The following PLA2G6 variants were observed in gnomAD, a reference collection of about 807,000 sequenced individuals.
PLA2G6 encodes phospholipase A2 group VI, also known as 85/88 kDa calcium-independent phospholipase A2.
PLA2G6 carries 62 observed loss-of-function variants against 83.8 expected under a neutral mutation model. That is an observed-to-expected ratio of 0.74 (90% CI 0.60 to 0.91). PLA2G6 has a LOEUF of 0.91. Among genes scored for constraint, PLA2G6 ranks in the 40% least tolerant of loss-of-function variants. PLA2G6 has a pLI of 0.00. For synonymous variants in PLA2G6, 417 were observed against 449.8 expected (o/e 0.93, Z 0.92); for missense variants, 944 against 1,102.0 (o/e 0.86, Z 2.03).
At chr22:38,148,662 G>A in intron 2 of PLA2G6, 1 of 673,786 alleles carries the variant, frequency 1.5e-6, no homozygotes. Context: ...CTCTTACTTT[G>A]GGTTAGGGTC....
intron 2 of PLA2G6, among the ~76,000 whole-genome samples, chr22:38,167,475 G>A (rs1301903269): frequency 6.6e-6 from 1 of 152,102 alleles, no homozygotes; most frequent in African/African-American, 2.4e-5. Context: ...CTCAAAAGTG[G>A]GGCTGTCCAG....
Position 38,115,677 on chromosome 22 carries a change from C to T in PLA2G6, c.1884G>A (p.Gln628=), listed in dbSNP as rs767459234. The part of the protein sequence containing the change: ...NLRPPAQPSD[Q]LVWRAARSSG... ...TGCTTCGGGCCGCCCGCCACACCAGCTGGTCTAGGGGCGGGGAAGGAGGGC... is the reference window on the plus strand; with the variant it reads ...TGCTTCGGGCCGCCCGCCACACCAGTTGGTCTAGGGGCGGGGAAGGAGGGC... The change falls in exon 14 of 17, where the codon CAG becomes CAA. Residue 628 remains glutamine (Q), a synonymous_variant. Coordinates refer to ENST00000332509, the MANE Select transcript of PLA2G6 (RefSeq NM_003560.4). The T allele has an allele frequency of 1.2e-6, 2 of 1,601,872 alleles. No homozygotes were observed. Among genetic ancestry groups the T allele is most frequent in the Admixed American group, 1.7e-5 (1 of 58,384 alleles).
chr22:38,152,245 T>C (rs1022623988), intron 2 of PLA2G6, among the ~76,000 whole-genome samples: 4 of 151,760 alleles, frequency 2.6e-5, no homozygotes, highest in African/African-American at 9.7e-5. Context: ...AGACAGAGTT[T>C]CGCTCTTGTC....
At chr22:38,124,928 G>C (rs1282596705) in intron 10 of PLA2G6, among the ~76,000 whole-genome samples, 1 of 152,198 alleles carries the variant, frequency 6.6e-6, no homozygotes, top group Non-Finnish European at 1.5e-5. Context: ...AGAGGGCGCA[G>C]GGCTCTGTAG....
intron 12 of PLA2G6, 28 bp from the exon 13 acceptor site, chr22:38,116,239 C>G (rs760155875): frequency 6.2e-7 from 1 of 1,613,232 alleles, no homozygotes. Flanking sequence ...AGGAGGACGG[C>G]TGAGCCACCC....
chr22:38,161,814 A>G (rs7286105), intron 2 of PLA2G6, among the ~76,000 whole-genome samples: 61,647 of 151,794 alleles, frequency 0.41, 12,881 homozygotes, highest in South Asian at 0.49. Context: ...AGGGGAGGGA[A>G]GGAGGCATGC....
At chr22:38,181,430 G>A (rs1182335160) in intron 1 of PLA2G6, among the ~76,000 whole-genome samples, 1 of 152,116 alleles carries the variant, frequency 6.6e-6, no homozygotes, top group Non-Finnish European at 1.5e-5. Flanking sequence ...GGCACTGAGG[G>A]TCGGGGAAAG....
chr22:38,124,607 A>C (rs1002779728), intron 10 of PLA2G6, among the ~76,000 whole-genome samples: 1 of 151,348 alleles, frequency 6.6e-6, no homozygotes, highest in Non-Finnish European at 1.5e-5. Flanking sequence ...CTGCTGCTCC[A>C]CCTGCTTCCT....
chr22:38,156,354 C>A (rs1438892944), intron 2 of PLA2G6, among the ~76,000 whole-genome samples: 1 of 152,232 alleles, frequency 6.6e-6, no homozygotes, highest in African/African-American at 2.4e-5. Context: ...AACATTTCAT[C>A]CAACGGCTGC....
intron 4 of PLA2G6, chr22:38,140,570 G>A: frequency 3.8e-6 from 1 of 260,182 alleles, no homozygotes; most frequent in South Asian, 4.1e-5. Context: ...TGGGAGGGAA[G>A]GGGTCGACCT....
intron 7 of PLA2G6, chr22:38,131,879 G>A (rs1248263778): frequency 1.2e-5 from 4 of 322,908 alleles, no homozygotes; most frequent in South Asian, 4.6e-5. Flanking sequence ...ATGAGGTCAG[G>A]AGTTTGAGAC....
At chr22:38,178,740 C>T (rs948169345) in intron 1 of PLA2G6, among the ~76,000 whole-genome samples, 4 of 152,080 alleles carry the variant, frequency 2.6e-5, no homozygotes, top group East Asian at 1.9e-4. Flanking sequence ...GTGGCGTGCA[C>T]CTGTAATTCC....
Position 38,132,840 on chromosome 22 carries a change from C to T in PLA2G6, c.1068G>A (p.Leu356=). The T allele has an allele frequency of 1.0e-5, 16 of 1,547,554 alleles. No individual in the cohort carries two copies. Among genetic ancestry groups the T allele is most frequent in the Non-Finnish European group, 1.4e-5 (16 of 1,147,818 alleles). The change falls in exon 7 of 17, where the codon CTG becomes CTA. Residue 356 remains leucine (L), a synonymous_variant. Transcript: ENST00000332509. The surrounding 1 kb of genome is among the most constrained non-coding windows in gnomAD (Gnocchi z 5.0). ...GCGGTCCTGGGCTCACCGACATGGC[C>T]AGGTGCAGCGGGGTGTTGCCGTGCT... ...RGEHGNTPLH[L]AMSKDNVEMI... is the part of the protein sequence containing the mutation.
chr22:38,146,285 C>A (rs554857190), intron 2 of PLA2G6: 62 of 155,884 alleles, frequency 4.0e-4, no homozygotes, highest in Non-Finnish European at 7.7e-4. Context: ...AATCCACCCC[C>A]CTCAGCCTCT....
intron 10 of PLA2G6, chr22:38,125,489 T>A: frequency 6.1e-6 from 2 of 326,484 alleles, no homozygotes; most frequent in Admixed American, 4.3e-5. Flanking sequence ...GCCCTGGGAG[T>A]GGAGCTGCCT....
intron 8 of PLA2G6, 61 bp downstream of exon 8, chr22:38,129,393 C>T: frequency 8.5e-7 from 1 of 1,178,858 alleles, no homozygotes; most frequent in South Asian, 1.2e-5. Context: ...TTCCCTCCTC[C>T]TCGGTCCCTG....
At chr22:38,158,720 G>C (rs757827300) in intron 2 of PLA2G6, among the ~76,000 whole-genome samples, 18 of 152,148 alleles carry the variant, frequency 1.2e-4, no homozygotes, top group Non-Finnish European at 8.8e-5. Context: ...TTCTTGAAAA[G>C]AATGTGTATT....
rs534654093 is a variant in PLA2G6, at chr22:38,122,819, C to T, written c.1591+276G>A. Among the ~76,000 whole-genome samples, 320 of 152,196 alleles carry T rather than the reference C, an allele frequency of 2.1e-3. 1 individual carries two copies. The highest frequency in any genetic ancestry group is 5.2e-3 in the South Asian group (25 of 4,824). ...TGAGGGGAGGAGGGGTTAAGGCAGT[C>T]GATAGGAAACGCTTCCTATGCCAAA... On this transcript the variant is annotated intron_variant, in intron 11 of 16. Transcript: ENST00000332509.
At chr22:38,155,877 C>A (rs982008033) in intron 2 of PLA2G6, among the ~76,000 whole-genome samples, 1 of 152,132 alleles carries the variant, frequency 6.6e-6, no homozygotes, top group Non-Finnish European at 1.5e-5. Context: ...TCAAAAGACA[C>A]AGAGTGGCAG....
Sources: allele counts gnomAD v4.1 joint callset (sites outside exome capture counted in the v4.1 genomes callset), GRCh38; gene constraint gnomAD v4.1.1; non-coding constraint Gnocchi (gnomAD v3.1); transcripts MANE v1.5; gene names NCBI Gene and HGNC (gene_info 2026-07-23, HGNC 2026-07-21).